The following CDC14A variants were observed in gnomAD, a reference collection of about 807,000 sequenced individuals.
The protein encoded by CDC14A is cell division cycle 14A.
Under a neutral mutation model 74.4 loss-of-function variants are expected in CDC14A, and 53 were observed. The observed-to-expected ratio is 0.71, with a 90% confidence interval of 0.57 to 0.89. CDC14A has a LOEUF of 0.89. Ranked by LOEUF, CDC14A falls within the 40% of genes least tolerant of loss-of-function variation. The pLI, the probability that CDC14A is intolerant of heterozygous loss-of-function variation, is 0.00. For synonymous variants in CDC14A, 247 were observed against 258.4 expected, an observed-to-expected ratio of 0.96 and a Z score of 0.43; for missense variants, 646 against 713.7, an observed-to-expected ratio of 0.91 and a Z score of 1.08.
intron 2 of CDC14A, among the ~76,000 whole-genome samples, chr1:100,367,991 A>G (rs1328004945): frequency 1.1e-4 from 16 of 152,200 alleles, no homozygotes; most frequent in Admixed American, 9.8e-4. Context: ...TCCAAGTCCC[A>G]ACTGGCTTTT....
chr1:100,461,790 GTTTATT>G (rs962533958), intron 8 of CDC14A, among the ~76,000 whole-genome samples: 5 of 152,074 alleles, frequency 3.3e-5, no homozygotes, highest in African/African-American at 1.2e-4. Context: ...AAAAGTTATT[GTTTATT>G]TTTAACTAAA....
rs112117584 is a variant in CDC14A at position 100,500,583 on chromosome 1, C to T, written c.1755+1321C>T. Among the ~76,000 whole-genome samples, 54 of 151,856 alleles carry T rather than the reference C, an allele frequency of 3.6e-4. 2 individuals carry two copies. Among genetic ancestry groups the T allele is most frequent in the Admixed American group, 1.0e-3 (16 of 15,270 alleles). ...GACCAGCCTGGCCAACATGGTGAAA[C>T]CCCGTCTCTACAAAAAATACAAAAT... On this transcript the variant is annotated intron_variant, in intron 15 of 15. Transcript: ENST00000336454.
chr1:100,403,356 G>A (rs570860531), intron 4 of CDC14A, among the ~76,000 whole-genome samples: 14 of 152,334 alleles, frequency 9.2e-5, no homozygotes, highest in African/African-American at 3.4e-4. Context: ...CTAATGGGTT[G>A]TAACCTGCAG....
chr1:100,396,817 T>C (rs926493065), intron 4 of CDC14A, among the ~76,000 whole-genome samples: 1 of 152,230 alleles, frequency 6.6e-6, no homozygotes, highest in African/African-American at 2.4e-5. Context: ...GTGGCACTTT[T>C]GGTTTCTCTG....
At chr1:100,436,634 C>T (rs1174046434) in intron 5 of CDC14A, among the ~76,000 whole-genome samples, 2 of 152,038 alleles carry the variant, frequency 1.3e-5, no homozygotes, top group Non-Finnish European at 2.9e-5. Context: ...TATGTTGGAC[C>T]AGGCTGGTCT....
At chr1:100,381,165 G>T (rs549249316) in intron 3 of CDC14A, among the ~76,000 whole-genome samples, 1 of 152,312 alleles carries the variant, frequency 6.6e-6, no homozygotes, top group South Asian at 2.1e-4. Flanking sequence ...TTTTGACTTT[G>T]TCATGATCCC....
intron 8 of CDC14A, chr1:100,462,394 G>A (rs905366082): frequency 6.9e-5 from 30 of 437,558 alleles, no homozygotes; most frequent in Middle Eastern, 1.3e-3. Context: ...CCCAGGATTC[G>A]AATCTAGAGG....
intron 11 of CDC14A, among the ~76,000 whole-genome samples, chr1:100,493,650 C>A (rs1251672033): frequency 2.6e-5 from 4 of 152,226 alleles, no homozygotes; most frequent in African/African-American, 9.6e-5. Context: ...CACAGGACGA[C>A]CTTTCCTGGG....
chr1:100,461,345 C>T (rs28364877), intron 8 of CDC14A, among the ~76,000 whole-genome samples: 43,862 of 152,120 alleles, frequency 0.29, 8,124 homozygotes, highest in African/African-American at 0.52. Context: ...GCATAAGAGT[C>T]GGCTTGGAGC....
intron 5 of CDC14A, among the ~76,000 whole-genome samples, chr1:100,435,935 AT>A (rs1294494713): frequency 6.6e-6 from 1 of 152,006 alleles, no homozygotes; most frequent in Non-Finnish European, 1.5e-5. Flanking sequence ...AGCTTGGAAA[AT>A]TTTGGTTGGC....
intron 4 of CDC14A, among the ~76,000 whole-genome samples, chr1:100,392,233 A>G (rs1402786591): frequency 6.6e-6 from 1 of 152,168 alleles, no homozygotes; most frequent in Non-Finnish European, 1.5e-5. Context: ...TAAGCTGAAT[A>G]TTTTTTACCT....
chr1:100,477,984 A>G (rs1311573466), intron 10 of CDC14A, among the ~76,000 whole-genome samples: 1 of 152,140 alleles, frequency 6.6e-6, no homozygotes, highest in Non-Finnish European at 1.5e-5. Context: ...GTTTATTAGC[A>G]TCCTTTTGAG....
At chr1:100,356,505 T>C (rs564366364) in intron 2 of CDC14A, among the ~76,000 whole-genome samples, 1 of 151,822 alleles carries the variant, frequency 6.6e-6, no homozygotes, top group African/African-American at 2.4e-5. Context: ...TCTCAAAAAA[T>C]TAATACAGTA....
chr1:100,516,119 A>C (rs565039729), intron 15 of CDC14A, among the ~76,000 whole-genome samples: 6 of 152,232 alleles, frequency 3.9e-5, no homozygotes, highest in African/African-American at 1.4e-4. Context: ...GTGGAAGTAA[A>C]GGCTTTGGAT....
chr1:100,510,705 C>A (rs1176883447), intron 15 of CDC14A, among the ~76,000 whole-genome samples: 1 of 152,084 alleles, frequency 6.6e-6, no homozygotes, highest in African/African-American at 2.4e-5. Context: ...GTATCTGTTC[C>A]TCATCTCTCT....
chr1:100,442,007 C>T (rs1664983813), intron 6 of CDC14A, among the ~76,000 whole-genome samples: 1 of 151,818 alleles, frequency 6.6e-6, no homozygotes, highest in Non-Finnish European at 1.5e-5. Flanking sequence ...GTTTTGTATT[C>T]TGTTGTAATC....
intron 11 of CDC14A, among the ~76,000 whole-genome samples, chr1:100,492,385 T>G (rs1415085217): frequency 6.6e-6 from 1 of 152,196 alleles, no homozygotes; most frequent in Non-Finnish European, 1.5e-5. Context: ...AAAATTATAC[T>G]ATTATTTTTA....
chr1:100,503,579 G>C (rs190299857), intron 15 of CDC14A, among the ~76,000 whole-genome samples: 2 of 152,192 alleles, frequency 1.3e-5, no homozygotes, highest in Non-Finnish European at 2.9e-5. Context: ...AAGAACAAAT[G>C]TTAAGGATTC....
upstream of CDC14A, chr1:100,351,649 C>G: frequency 8.9e-7 from 1 of 1,127,632 alleles, no homozygotes; most frequent in East Asian, 2.6e-5. Context: ...CAGGCTGGCT[C>G]AGCGGTCTCG....
Sources: allele counts gnomAD v4.1 joint callset (sites outside exome capture counted in the v4.1 genomes callset), GRCh38; gene constraint gnomAD v4.1.1; transcripts MANE v1.5; gene names NCBI Gene and HGNC (gene_info 2026-07-23, HGNC 2026-07-21).